DOCK4: variants seen among roughly 807,000 people sequenced by gnomAD.
DOCK4 encodes dedicator of cytokinesis protein 4.
DOCK4 carries 97 observed loss-of-function variants against 268.1 expected under a neutral mutation model. The ratio of observed to expected loss-of-function variants is 0.36; its 90% confidence interval spans 0.31 to 0.43. The LOEUF is 0.43. Among genes scored for constraint, DOCK4 ranks in the 20% least tolerant of loss-of-function variants. DOCK4 has a pLI of 1.00. For missense variants in DOCK4, 2,145 were observed against 2,455.7 expected (o/e 0.87, Z 2.67); for synonymous variants, 954 against 887.2 (o/e 1.08, Z -1.34).
At chr7:112,081,714 T>C (rs1808602599) in intron 1 of DOCK4, among the ~76,000 whole-genome samples, 1 of 152,190 alleles carries the variant, frequency 6.6e-6, no homozygotes, top group African/African-American at 2.4e-5. Context: ...ACACAGCTGA[T>C]GTTTAATAAA....
At chr7:111,981,879 T>A (rs184995742) in intron 7 of DOCK4, among the ~76,000 whole-genome samples, 261 of 152,292 alleles carry the variant, frequency 1.7e-3, no homozygotes, top group African/African-American at 6.1e-3. Context: ...TAAACTGGAA[T>A]GCTGAAAGAG....
rs371737075 is a variant in DOCK4, at chr7:111,790,476, C to T, written c.3296G>A (p.Arg1099Gln). 115 of 1,613,718 alleles carry T rather than the reference C, an allele frequency of 7.1e-5. No individual in the cohort carries two copies. Among genetic ancestry groups the T allele is most frequent in the Middle Eastern group, 6.6e-4 (4 of 6,082 alleles). Residue 1099 changes from arginine (R) to glutamine (Q), a missense_variant, in exon 31 of 53, where the codon CGG becomes CAG. Around this residue, in one of 2 missense-constraint regions of DOCK4, gnomAD observed 1,598 missense variants for 1,986.7 expected, o/e 0.80. Transcript: ENST00000428084. ...GCCTACCTGTTTAAAGTTGCCACTCCGCCTCTGCTCCCAGTCCATCATATC... is the reference window on the plus strand; with the variant it reads ...GCCTACCTGTTTAAAGTTGCCACTCTGCCTCTGCTCCCAGTCCATCATATC... ...FHDMMDWEQR[R>Q]SGNFKQVEAK...
intron 30 of DOCK4, among the ~76,000 whole-genome samples, chr7:111,799,018 T>G (rs940252183): frequency 5.9e-5 from 9 of 152,144 alleles, no homozygotes; most frequent in African/African-American, 2.2e-4. Flanking sequence ...AGGAAATAAA[T>G]TGGCTAATCA....
intron 1 of DOCK4, among the ~76,000 whole-genome samples, chr7:112,022,214 A>G (rs1179289440): frequency 6.6e-6 from 1 of 152,238 alleles, no homozygotes; most frequent in Non-Finnish European, 1.5e-5. Flanking sequence ...CTAAACATCT[A>G]CCGCAGACTG....
chr7:112,052,297 T>C (rs765018147), intron 1 of DOCK4, among the ~76,000 whole-genome samples: 3 of 152,152 alleles, frequency 2.0e-5, no homozygotes, highest in Non-Finnish European at 4.4e-5. Flanking sequence ...TATACATATA[T>C]ATGTAGCTAG....
chr7:112,075,992 T>C (rs1201445898), intron 1 of DOCK4, among the ~76,000 whole-genome samples: 1 of 152,184 alleles, frequency 6.6e-6, no homozygotes, highest in Non-Finnish European at 1.5e-5. Flanking sequence ...AAAATTAGTT[T>C]GTCAAAAAGA....
chr7:112,135,881 A>C (rs1041994456), intron 1 of DOCK4, among the ~76,000 whole-genome samples: 10 of 152,212 alleles, frequency 6.6e-5, no homozygotes, highest in African/African-American at 2.4e-4. Flanking sequence ...GAAAATAATA[A>C]GAGAAACCAA....
intron 8 of DOCK4, among the ~76,000 whole-genome samples, chr7:111,960,858 T>C (rs748446864): frequency 3.3e-5 from 5 of 152,076 alleles, no homozygotes; most frequent in South Asian, 2.1e-4. Context: ...AATGACAGAG[T>C]TTCCTTCTTT....
chr7:111,758,615 G>C lies in DOCK4; in HGVS notation c.4329+9C>G. 6.2e-7 allele frequency: 1 copy of C among 1,613,450 alleles called. No individual in the cohort carries two copies. Among genetic ancestry groups the C allele is most frequent in the Non-Finnish European group, 8.5e-7 (1 of 1,179,616 alleles). ...GAGGAGTTAGCATGTAATAAGAATT[G>C]CATGGTACCTTGAATTCATTCTCTT... On this transcript the variant is annotated intron_variant, in intron 41 of 52. Transcript: ENST00000428084.
At chr7:112,116,805 G>A (rs1812216548) in intron 1 of DOCK4, among the ~76,000 whole-genome samples, 1 of 151,992 alleles carries the variant, frequency 6.6e-6, no homozygotes, top group Non-Finnish European at 1.5e-5. Flanking sequence ...TGTTGCCCAG[G>A]CTGTTCTCGA....
intron 7 of DOCK4, 109 bp downstream of exon 7, chr7:111,984,196 TA>T: frequency 1.0e-6 from 1 of 998,456 alleles, no homozygotes; most frequent in Non-Finnish European, 1.5e-6. Flanking sequence ...TTACTCTCTC[TA>T]AATTAATCCT....
chr7:111,838,638 A>T, intron 25 of DOCK4, among the ~76,000 whole-genome samples: 1 of 152,310 alleles, frequency 6.6e-6, no homozygotes, highest in African/African-American at 2.4e-5. Flanking sequence ...AATTCTAAAA[A>T]ATGTAAACTT....
chr7:111,906,108 C>T (rs916691711), intron 13 of DOCK4, among the ~76,000 whole-genome samples: 3 of 152,064 alleles, frequency 2.0e-5, no homozygotes, highest in Non-Finnish European at 4.4e-5. Flanking sequence ...CCTGTAATTC[C>T]ATGCAGTAAG....
At chr7:112,046,477 C>G (rs1030864875) in intron 1 of DOCK4, among the ~76,000 whole-genome samples, 2 of 151,854 alleles carry the variant, frequency 1.3e-5, no homozygotes, top group African/African-American at 4.8e-5. Context: ...AAAAGAAAAC[C>G]CTTCAATGGA....
At chr7:111,914,137 C>T (rs1266161899) in intron 13 of DOCK4, among the ~76,000 whole-genome samples, 1 of 152,104 alleles carries the variant, frequency 6.6e-6, no homozygotes, top group Admixed American at 6.5e-5. Flanking sequence ...GCTGCATTCT[C>T]CAACTCCTTT....
intron 1 of DOCK4, among the ~76,000 whole-genome samples, chr7:112,117,432 G>A (rs2729560): frequency 0.23 from 34,780 of 152,094 alleles, 5,070 homozygotes; most frequent in African/African-American, 0.41. Flanking sequence ...GTGCAGTGAT[G>A]TGGTCTCAGC....
At chr7:112,071,261 A>G (rs1396962052) in intron 1 of DOCK4, among the ~76,000 whole-genome samples, 1 of 152,222 alleles carries the variant, frequency 6.6e-6, no homozygotes, top group East Asian at 1.9e-4. Flanking sequence ...CTGGCAATGA[A>G]TGTAAAAACT....
chr7:112,034,313 A>G (rs1020193534), intron 1 of DOCK4, among the ~76,000 whole-genome samples: 3 of 152,224 alleles, frequency 2.0e-5, no homozygotes, highest in Admixed American at 6.5e-5. Context: ...GAAAAGTGGC[A>G]GGTGGAGGAA....
chr7:111,898,758 G>C (rs1312214499), intron 15 of DOCK4, among the ~76,000 whole-genome samples: 1 of 152,008 alleles, frequency 6.6e-6, no homozygotes, highest in Non-Finnish European at 1.5e-5. Context: ...TTTACATTTT[G>C]CTGTTTCTTC....
Sources: allele counts gnomAD v4.1 joint callset (sites outside exome capture counted in the v4.1 genomes callset), GRCh38; gene constraint gnomAD v4.1.1; regional missense constraint gnomAD v4.1.1; transcripts MANE v1.5; gene names NCBI Gene and HGNC (gene_info 2026-07-23, HGNC 2026-07-21).